The following RMDN1 variants were observed in gnomAD, a reference collection of about 807,000 sequenced individuals.
RMDN1 encodes regulator of microtubule dynamics 1.
Under a neutral mutation model 48.9 loss-of-function variants are expected in RMDN1, and 48 were observed. The observed-to-expected ratio is 0.98, with a 90% CI of 0.78 to 1.25. The LOEUF (loss-of-function observed/expected upper bound fraction) is 1.25, where lower values mean the gene tolerates loss of function less well. Among genes scored for constraint, RMDN1 ranks in the 50% most tolerant of loss-of-function variants. RMDN1 has a pLI of 0.00. For missense variants in RMDN1, 418 were observed against 373.4 expected (o/e 1.12, Z -0.98); for synonymous variants, 148 against 132.6 (o/e 1.12, Z -0.80).
At chr8:86,478,738 G>C (rs868403697) in intron 7 of RMDN1, 185 bp downstream of exon 7, 8 of 574,322 alleles carry the variant, frequency 1.4e-5, no homozygotes, top group Middle Eastern at 2.7e-4. Flanking sequence ...ACCTAACGGG[G>C]AAAAAGAAAA....
At chr8:86,494,984 A>C (rs1817095383) in intron 2 of RMDN1, 3 of 407,034 alleles carry the variant, frequency 7.4e-6, no homozygotes, top group Non-Finnish European at 1.4e-5. Flanking sequence ...AAAAAATAAA[A>C]ATAAACAAAT....
At chr8:86,493,233 T>C (rs1378677259) in intron 2 of RMDN1, among the ~76,000 whole-genome samples, 1 of 152,038 alleles carries the variant, frequency 6.6e-6, no homozygotes, top group Non-Finnish European at 1.5e-5. Context: ...TTTAAGAAAA[T>C]AAAGCTATTG....
upstream of RMDN1, among the ~76,000 whole-genome samples, chr8:86,511,767 C>T (rs146936563): frequency 3.1e-3 from 457 of 147,968 alleles, 2 homozygotes; most frequent in African/African-American, 0.011. Context: ...GAATCGTATT[C>T]GCACCACTGC....
intron 2 of RMDN1, among the ~76,000 whole-genome samples, chr8:86,493,193 C>A (rs1267427418): frequency 6.6e-6 from 1 of 151,982 alleles, no homozygotes; most frequent in African/African-American, 2.4e-5. Context: ...ACATGCCGAG[C>A]AACTAATTAT....
chr8:86,500,853 T>C (rs1303973288), intron 2 of RMDN1, among the ~76,000 whole-genome samples: 1 of 152,126 alleles, frequency 6.6e-6, no homozygotes, highest in East Asian at 1.9e-4. Flanking sequence ...CATGGAATAC[T>C]ATAAAGCCAT....
intron 2 of RMDN1, among the ~76,000 whole-genome samples, chr8:86,497,905 A>G (rs1183769235): frequency 2.6e-5 from 4 of 151,572 alleles, no homozygotes; most frequent in African/African-American, 7.3e-5. Flanking sequence ...AGACAGCCTG[A>G]CCAACATGGA....
intron 7 of RMDN1, 169 bp from the exon 8 acceptor site, chr8:86,477,493 G>A (rs980768271): frequency 4.9e-5 from 26 of 529,532 alleles, no homozygotes; most frequent in African/African-American, 9.6e-5. Context: ...CAAAGTGAAC[G>A]TAACACTTCA....
At chr8:86,482,564 T>G in intron 5 of RMDN1, 1 of 740,080 alleles carries the variant, frequency 1.4e-6, no homozygotes, top group Non-Finnish European at 2.5e-6. Flanking sequence ...CCTGTCAAAT[T>G]CACTAAGAAG....
chr8:86,470,717 C>CAA, downstream of RMDN1, among the ~76,000 whole-genome samples: 1 of 152,092 alleles, frequency 6.6e-6, no homozygotes, highest in African/African-American at 2.4e-5. Flanking sequence ...TAAAAAGAAA[C>CAA]AAACTATTGA....
chr8:86,500,675 A>G (rs1385244850), intron 2 of RMDN1, among the ~76,000 whole-genome samples: 1 of 152,132 alleles, frequency 6.6e-6, no homozygotes, highest in East Asian at 1.9e-4. Flanking sequence ...TACTTGATCC[A>G]CCAATCCCAC....
At chr8:86,508,423 T>A in intron 1 of RMDN1, 69 bp downstream of exon 1, 1 of 1,471,716 alleles carries the variant, frequency 6.8e-7, no homozygotes, top group Non-Finnish European at 9.1e-7. Flanking sequence ...CCGCCACCAC[T>A]TAAGTTAAGG....
rs1254544038 is a variant in RMDN1, at chr8:86,504,452, A to G, written c.247+2543T>C. 6 of 1,560,534 alleles carry G rather than the reference A, an allele frequency of 3.8e-6. No homozygotes were observed. In the Admixed American group the frequency reaches 8.4e-5, roughly 22 times the overall value. ...CTCTCTGGAATCAATGTTGTGTTCT[A>G]TTACTCAACAGGAATCTTCAAGGAT... On this transcript the variant is annotated intron_variant, in intron 2 of 9. Transcript: ENST00000406452.
intron 7 of RMDN1, chr8:86,478,275 AT>A (rs971502820): frequency 3.3e-5 from 5 of 152,162 alleles, no homozygotes; most frequent in Admixed American, 6.5e-5. Context: ...ACAACTAAGT[AT>A]TTTTTACATC....
In RMDN1 at chr8:86,506,917, C is replaced by A. The variant is rs190816114; in HGVS notation, c.247+78G>T. Reference sequence around the variant, plus strand: ...TTCTATTATTAACATTACCCTGATTCTTTGTTTTAAAATAAAAATTCTGAA... The same window carrying A: ...TTCTATTATTAACATTACCCTGATTATTTGTTTTAAAATAAAAATTCTGAA... On this transcript the variant is annotated intron_variant, in intron 2 of 9. Coordinates refer to ENST00000406452, the MANE Select transcript of RMDN1 (RefSeq NM_016033.3). 7.4e-4 allele frequency: 555 copies of A among 748,720 alleles called. 4 individuals carry two copies. The African/African-American group carries it at 7.9e-3, about 11-fold the overall frequency. 46.4% of individuals were successfully genotyped at this position (748,720 alleles called of 1,614,324 possible).
intron 3 of RMDN1, 54 bp from the exon 4 acceptor site, chr8:86,486,697 T>C: frequency 7.0e-7 from 1 of 1,428,710 alleles, no homozygotes; most frequent in Non-Finnish European, 9.4e-7. Flanking sequence ...TAAAAATTGT[T>C]AAGGGTTACA....
At chr8:86,471,007 CA>C (rs943245574), downstream of RMDN1, among the ~76,000 whole-genome samples, 1 of 152,096 alleles carries the variant, frequency 6.6e-6, no homozygotes, top group Non-Finnish European at 1.5e-5. Flanking sequence ...CAACTATACA[CA>C]CAAGAGCATT....
intron 2 of RMDN1, among the ~76,000 whole-genome samples, chr8:86,489,284 C>G (rs1158157789): frequency 6.6e-6 from 1 of 152,182 alleles, no homozygotes; most frequent in Non-Finnish European, 1.5e-5. Context: ...TGACACTATG[C>G]TCTGACTGAC....
intron 4 of RMDN1, among the ~76,000 whole-genome samples, chr8:86,485,702 G>C (rs1815351352): frequency 6.6e-6 from 1 of 152,166 alleles, no homozygotes; most frequent in African/African-American, 2.4e-5. Flanking sequence ...GCCACAGTTG[G>C]ACGGCAGACC....
At chr8:86,493,567 CATG>C (rs35418183) in intron 2 of RMDN1, among the ~76,000 whole-genome samples, 40,133 of 151,950 alleles carry the variant, frequency 0.26, 6,161 homozygotes, top group East Asian at 0.53. Context: ...AAGTGGAGGA[CATG>C]ATGTTAAGTG....
Sources: gnomAD v4.1 joint callset for allele counts (sites outside exome capture counted in the v4.1 genomes callset) on GRCh38, gnomAD v4.1.1 for gene constraint, MANE v1.5 for transcripts, NCBI Gene and HGNC (gene_info 2026-07-23, HGNC 2026-07-21) for gene names.